VAV2: variants seen among roughly 807,000 people sequenced by gnomAD.
VAV2 encodes vav guanine nucleotide exchange factor 2.
Under a neutral mutation model 132.5 loss-of-function variants are expected in VAV2, and 67 were observed. The observed-to-expected ratio is 0.51, with a 90% CI of 0.42 to 0.62. The LOEUF (loss-of-function observed/expected upper bound fraction) is 0.62, where lower values mean the gene tolerates loss of function less well. Among genes scored for constraint, VAV2 ranks in the 20% least tolerant of loss-of-function variants. VAV2 has a pLI of 0.00. For synonymous variants in VAV2, 492 were observed against 443.5 expected (o/e 1.11, Z -1.37); for missense variants, 938 against 1,153.6 (o/e 0.81, Z 2.71).
intron 2 of VAV2, among the ~76,000 whole-genome samples, chr9:133,924,988 C>A (rs1840423375): frequency 6.6e-6 from 1 of 152,206 alleles, no homozygotes; most frequent in African/African-American, 2.4e-5. Context: ...TTGTAGGATT[C>A]CACTTATATG....
At chr9:133,941,416 GA>G (rs56370347) in intron 1 of VAV2, among the ~76,000 whole-genome samples, 2 of 148,232 alleles carry the variant, frequency 1.3e-5, no homozygotes, top group African/African-American at 2.5e-5. Context: ...TCAAAAAAAA[GA>G]AAAAAAAAAG....
chr9:133,838,028 A>T (rs1836538804), intron 3 of VAV2, among the ~76,000 whole-genome samples: 1 of 152,164 alleles, frequency 6.6e-6, no homozygotes, highest in Non-Finnish European at 1.5e-5. Flanking sequence ...AGAGGGAGGC[A>T]GCCTGTCAGG....
In VAV2 at chr9:133,784,909, T is replaced by A. The variant is rs1294371815; in HGVS notation, c.1533-491A>T. Among the ~76,000 whole-genome samples, 8 of 151,992 alleles carry A rather than the reference T, an allele frequency of 5.3e-5. No homozygotes were observed. In the South Asian group the frequency reaches 1.5e-3, roughly 28 times the overall value. On this transcript the variant is annotated intron_variant, in intron 17 of 29. Transcript: ENST00000371850. ...TGGGGTGACGCGGATGGCGGCAGCG[T>A]GGTGAGAAGACGGCTATTCACCATC...
chr9:133,949,679 C>G (rs937008097), intron 1 of VAV2, among the ~76,000 whole-genome samples: 2 of 152,206 alleles, frequency 1.3e-5, no homozygotes, highest in Non-Finnish European at 2.9e-5. Flanking sequence ...CCAGCTGTCT[C>G]CAAAACAGGG....
chr9:133,891,710 A>G (rs1031467327), intron 2 of VAV2, among the ~76,000 whole-genome samples: 4 of 28,132 alleles, frequency 1.4e-4, no homozygotes, highest in Non-Finnish European at 1.9e-4. Context: ...ATGAAGGGGG[A>G]GGGATGGAGG....
intron 2 of VAV2, among the ~76,000 whole-genome samples, chr9:133,920,493 G>C (rs1840258977): frequency 1.3e-5 from 2 of 152,210 alleles, no homozygotes. Context: ...GAGGTGTCCA[G>C]TGCCCCCTCC....
rs369876316 is a variant in VAV2, at chr9:133,775,069, G to A, written c.2019-18C>T. 178 of 1,582,054 alleles carry A rather than the reference G, an allele frequency of 1.1e-4. No individual in the cohort carries two copies. In the African/African-American group the frequency reaches 2.2e-3, roughly 19 times the overall value. ...CTGCAAACCTACAGGAGGGGGCCGG[G>A]AGGAAACGAGAGCCGCAGTGAGGAC... On this transcript the variant is annotated intron_variant, in intron 24 of 29. Transcript: ENST00000371850.
At chr9:133,817,286 G>A (rs7026263) in intron 4 of VAV2, among the ~76,000 whole-genome samples, 26,937 of 152,018 alleles carry the variant, frequency 0.18, 2,582 homozygotes, top group African/African-American at 0.24. Flanking sequence ...CGTGTTAGAC[G>A]TCCTGACATC....
intron 4 of VAV2, among the ~76,000 whole-genome samples, chr9:133,821,907 C>CA (rs1835802690): frequency 6.6e-6 from 1 of 152,356 alleles, no homozygotes; most frequent in African/African-American, 2.4e-5. Context: ...CTCATCCTTT[C>CA]ACTCCTGCTG....
intron 1 of VAV2, among the ~76,000 whole-genome samples, chr9:133,974,923 CCT>C (rs1392752501): frequency 1.3e-5 from 2 of 151,084 alleles, no homozygotes; most frequent in Non-Finnish European, 3.0e-5. Context: ...AAGGTCTGTA[CCT>C]TGTGGTACCG....
chr9:133,989,664 G>A (rs1485155697), intron 1 of VAV2, among the ~76,000 whole-genome samples: 1 of 151,804 alleles, frequency 6.6e-6, no homozygotes, highest in Admixed American at 6.6e-5. Flanking sequence ...CAGCCTGGGC[G>A]ACAGAGCAAG....
intron 1 of VAV2, among the ~76,000 whole-genome samples, chr9:133,976,152 G>A (rs923098556): frequency 3.9e-5 from 6 of 152,124 alleles, no homozygotes; most frequent in Non-Finnish European, 7.4e-5. Context: ...GTTGCAGTGA[G>A]CGGAGATCGC....
intron 2 of VAV2, among the ~76,000 whole-genome samples, chr9:133,870,451 G>T (rs73662318): frequency 0.038 from 5,736 of 152,254 alleles, 213 homozygotes; most frequent in African/African-American, 0.094. Flanking sequence ...AAAGGTGAGA[G>T]CAACTTCTCT....
At chr9:133,774,262 T>C (rs1479610911) in intron 25 of VAV2, among the ~76,000 whole-genome samples, 1 of 152,174 alleles carries the variant, frequency 6.6e-6, no homozygotes, top group African/African-American at 2.4e-5. Context: ...ATGTGCACCA[T>C]GAGTGTGTGC....
At chr9:133,982,978 T>G (rs190676800) in intron 1 of VAV2, among the ~76,000 whole-genome samples, 37 of 152,262 alleles carry the variant, frequency 2.4e-4, no homozygotes, top group African/African-American at 8.7e-4. Flanking sequence ...CTAAAATATT[T>G]ACCATCCAGG....
chr9:133,809,255 C>T (rs932814463), intron 6 of VAV2, 117 bp from the exon 7 acceptor site: 10 of 828,296 alleles, frequency 1.2e-5, no homozygotes, highest in Admixed American at 4.4e-5. Context: ...GGTTTGGCCA[C>T]GAGGTCACTG....
chr9:133,821,797 G>A (rs1271408494), intron 4 of VAV2, among the ~76,000 whole-genome samples: 2 of 152,296 alleles, frequency 1.3e-5, no homozygotes, highest in African/African-American at 4.8e-5. Flanking sequence ...CAGGAATGTG[G>A]AAGCCCAGAC....
chr9:133,874,460 G>C (rs1014454452), intron 2 of VAV2, among the ~76,000 whole-genome samples: 1 of 152,184 alleles, frequency 6.6e-6, no homozygotes, highest in African/African-American at 2.4e-5. Flanking sequence ...CAGACGAGCC[G>C]CATCAGTCCC....
chr9:133,852,493 G>A (rs749124003), intron 3 of VAV2, among the ~76,000 whole-genome samples: 3 of 152,152 alleles, frequency 2.0e-5, no homozygotes, highest in Non-Finnish European at 4.4e-5. Context: ...TATTCTCAGT[G>A]GGCAAATTGG....
Sources: gnomAD v4.1 joint callset for allele counts (sites outside exome capture counted in the v4.1 genomes callset) on GRCh38, gnomAD v4.1.1 for gene constraint, MANE v1.5 for transcripts, NCBI Gene and HGNC (gene_info 2026-07-23, HGNC 2026-07-21) for gene names.